The following PSMG2 variants were observed in gnomAD, a reference collection of about 807,000 sequenced individuals.
PSMG2 encodes the protein proteasome assembly chaperone 2.
A neutral mutation model predicts 31.5 loss-of-function variants in PSMG2; 21 were observed. The observed-to-expected ratio is 0.67, with a 90% CI of 0.47 to 0.96. PSMG2 has a LOEUF of 0.96. Among genes scored for constraint, PSMG2 ranks in the 40% least tolerant of loss-of-function variants. The pLI is 0.00. For missense variants in PSMG2, 318 were observed against 321.2 expected (o/e 0.99, Z 0.08); for synonymous variants, 120 against 110.4 (o/e 1.09, Z -0.54).
chr18:12,670,240 G>A (rs528592396), intron 1 of PSMG2, among the ~76,000 whole-genome samples: 2 of 151,844 alleles, frequency 1.3e-5, no homozygotes, highest in Admixed American at 6.6e-5. Context: ...TGAGGCAGGA[G>A]AACTGCTTGA....
rs115983489 is a variant in PSMG2 at position 12,706,044 on chromosome 18, A to G, written c.58-506A>G. 1.0e-3 allele frequency among the ~76,000 whole-genome samples: 157 copies of G among 152,354 alleles called. 1 individual carries two copies. The highest frequency in any genetic ancestry group is 3.5e-3 in the African/African-American group (144 of 41,586). On this transcript the variant is annotated intron_variant, in intron 1 of 6. Coordinates refer to ENST00000317615, the MANE Select transcript of PSMG2 (RefSeq NM_020232.5). ...ACAATTGACATATAGTAGGCATTCA[A>G]TAAGTATTTGTTAAATAGTCTCAAA...
intron 1 of PSMG2, chr18:12,697,176 G>T: frequency 1.6e-6 from 2 of 1,236,032 alleles, no homozygotes; most frequent in South Asian, 1.5e-5. Context: ...ATTTACAAAT[G>T]AACTGTGGCT....
At chr18:12,675,020 T>C (rs1226349633) in intron 1 of PSMG2, among the ~76,000 whole-genome samples, 2 of 152,218 alleles carry the variant, frequency 1.3e-5, no homozygotes, top group African/African-American at 4.8e-5. Context: ...ACTTCTCTAA[T>C]ATCTACTACA....
At chr18:12,705,488 C>T (rs987737136) in intron 1 of PSMG2, among the ~76,000 whole-genome samples, 3 of 150,826 alleles carry the variant, frequency 2.0e-5, no homozygotes, top group Non-Finnish European at 4.4e-5. Flanking sequence ...GGAGCTCCTA[C>T]GTGTTCTGGG....
chr18:12,725,151 C>G (rs1031562231), intron 6 of PSMG2, among the ~76,000 whole-genome samples: 1 of 152,110 alleles, frequency 6.6e-6, no homozygotes, highest in African/African-American at 2.4e-5. Flanking sequence ...CAAATTGATA[C>G]AAATCACATA....
At chr18:12,689,121 A>C (rs184997320) in intron 1 of PSMG2, among the ~76,000 whole-genome samples, 3 of 152,106 alleles carry the variant, frequency 2.0e-5, no homozygotes, top group Admixed American at 2.0e-4. Context: ...CAACAACAAC[A>C]AAAAAAAGTT....
At chr18:12,716,832 A>G (rs113804303) in intron 3 of PSMG2, among the ~76,000 whole-genome samples, 2 of 152,220 alleles carry the variant, frequency 1.3e-5, no homozygotes, top group African/African-American at 4.8e-5. Flanking sequence ...TTATTTTTCA[A>G]AGGAAACACT....
At chr18:12,707,702 TG>T (rs1771336533) in intron 2 of PSMG2, among the ~76,000 whole-genome samples, 1 of 152,218 alleles carries the variant, frequency 6.6e-6, no homozygotes, top group Non-Finnish European at 1.5e-5. Context: ...CTACCTTTGA[TG>T]GCTAACTGTT....
chr18:12,706,795 T>C, intron 2 of PSMG2, 74 bp downstream of exon 2: 2 of 1,451,054 alleles, frequency 1.4e-6, no homozygotes, highest in South Asian at 1.4e-5. Context: ...ACTTTATTGA[T>C]AATTGTTTTG....
intron 1 of PSMG2, among the ~76,000 whole-genome samples, chr18:12,687,634 T>C (rs753944632): frequency 6.6e-6 from 1 of 151,776 alleles, no homozygotes; most frequent in Non-Finnish European, 1.5e-5. Context: ...TGTATTTTTG[T>C]AGAGATGGGG....
At chr18:12,668,704 G>A (rs1042984665) in intron 1 of PSMG2, among the ~76,000 whole-genome samples, 3 of 133,040 alleles carry the variant, frequency 2.3e-5, no homozygotes, top group Non-Finnish European at 4.7e-5. Flanking sequence ...TCAACTATGT[G>A]TTGTCTACCT....
upstream of PSMG2, chr18:12,702,325 T>C (rs1215991773): frequency 1.7e-6 from 1 of 584,484 alleles, no homozygotes; most frequent in African/African-American, 2.0e-5. Flanking sequence ...GAGGACGCTC[T>C]CCTGCCTCAA....
intron 1 of PSMG2, among the ~76,000 whole-genome samples, chr18:12,682,394 G>T (rs1208918966): frequency 2.6e-5 from 4 of 152,166 alleles, no homozygotes; most frequent in Admixed American, 6.5e-5. Flanking sequence ...TCACCAAGTT[G>T]CCCTGGCTGG....
intron 1 of PSMG2, 90 bp downstream of exon 1, chr18:12,703,254 A>G: frequency 7.4e-7 from 1 of 1,348,540 alleles, no homozygotes; most frequent in Non-Finnish European, 1.0e-6. Context: ...GTGCCTTGGG[A>G]GAAATAGGGC....
At position 12,687,669 on chromosome 18, in the gene PSMG2, T is replaced by A. The variant is rs527996091; in HGVS notation, c.-36-18881T>A. Among the ~76,000 whole-genome samples the A allele has an allele frequency of 5.7e-4, 86 of 151,708 alleles. 2 individuals are homozygous for A. In the South Asian group the frequency reaches 0.018, roughly 32 times the overall value. ...GTTTCACGATGTTGACCAGGCTTGG[T>A]CTCAAACTCCTGACCTCAAGTGATC... On this transcript the variant is annotated intron_variant, in intron 1 of 6. Coordinates refer to the PSMG2 transcript ENST00000585331.
At chr18:12,711,898 T>C (rs1468531693) in intron 2 of PSMG2, among the ~76,000 whole-genome samples, 3 of 151,770 alleles carry the variant, frequency 2.0e-5, no homozygotes, top group Non-Finnish European at 4.4e-5. Context: ...GGACTACAGG[T>C]GCCCGCCGCC....
At chr18:12,712,322 C>G (rs557558570) in intron 2 of PSMG2, among the ~76,000 whole-genome samples, 16 of 141,842 alleles carry the variant, frequency 1.1e-4, no homozygotes, top group Admixed American at 2.8e-4. Flanking sequence ...TTGCTGTTCT[C>G]TGGAGACAAA....
chr18:12,717,038 C>T (rs1258659031), intron 3 of PSMG2, among the ~76,000 whole-genome samples: 1 of 150,720 alleles, frequency 6.6e-6, no homozygotes, highest in African/African-American at 2.4e-5. Context: ...CAGCCCTGAC[C>T]TCCGAGGCTC....
At chr18:12,704,966 A>C (rs1327091347) in intron 1 of PSMG2, among the ~76,000 whole-genome samples, 2 of 152,254 alleles carry the variant, frequency 1.3e-5, no homozygotes, top group African/African-American at 4.8e-5. Context: ...AGCTACATTA[A>C]AAGGATACTT....
Sources: gnomAD v4.1 joint callset for allele counts (sites outside exome capture counted in the v4.1 genomes callset) on GRCh38, gnomAD v4.1.1 for gene constraint, MANE v1.5 for transcripts, NCBI Gene and HGNC (gene_info 2026-07-23, HGNC 2026-07-21) for gene names.